The following CAMKMT variants were observed in gnomAD, a reference collection of about 807,000 sequenced individuals.
The protein encoded by CAMKMT is CaM KMT.
CAMKMT carries 53 observed loss-of-function variants against 48.0 expected under a neutral mutation model. The observed-to-expected ratio is 1.10, with a 90% CI of 0.89 to 1.39. The LOEUF is 1.39. Ranked by LOEUF, CAMKMT falls within the 40% of genes most tolerant of loss-of-function variation. The probability of loss-of-function intolerance (pLI) is 0.00; values close to 1 mark genes in which losing one functional copy is unlikely to be tolerated. For missense variants in CAMKMT, 428 were observed against 402.7 expected, an observed-to-expected ratio of 1.06 and a Z score of -0.54; for synonymous variants, 165 against 152.3, an observed-to-expected ratio of 1.08 and a Z score of -0.61.
At chr2:44,741,324 C>G (rs569309264) in intron 7 of CAMKMT, among the ~76,000 whole-genome samples, 1 of 152,200 alleles carries the variant, frequency 6.6e-6, no homozygotes, top group Non-Finnish European at 1.5e-5. Flanking sequence ...GAACAGTGAA[C>G]TCACCATCAT....
chr2:44,617,415 C>T (rs1350255001), intron 3 of CAMKMT, among the ~76,000 whole-genome samples: 2 of 152,182 alleles, frequency 1.3e-5, no homozygotes, highest in Non-Finnish European at 2.9e-5. Context: ...CCCATGTATG[C>T]TGTCCTCTGC....
At chr2:44,720,112 C>A (rs1055258211) in intron 7 of CAMKMT, among the ~76,000 whole-genome samples, 4 of 152,102 alleles carry the variant, frequency 2.6e-5, no homozygotes, top group Non-Finnish European at 4.4e-5. Context: ...GTGTTTTGCA[C>A]TGAAGACACC....
chr2:44,382,274 T>C (rs1431188061), intron 2 of CAMKMT, among the ~76,000 whole-genome samples: 1 of 151,972 alleles, frequency 6.6e-6, no homozygotes. Flanking sequence ...TTTCATCTTT[T>C]CTTAGTATTT....
intron 3 of CAMKMT, among the ~76,000 whole-genome samples, chr2:44,411,220 G>A (rs948669602): frequency 7.9e-5 from 12 of 152,136 alleles, no homozygotes; most frequent in African/African-American, 2.4e-4. Flanking sequence ...GTTAGGGTAG[G>A]TATTTTTGTG....
chr2:44,558,886 G>C (rs1668169176), intron 3 of CAMKMT, among the ~76,000 whole-genome samples: 1 of 152,010 alleles, frequency 6.6e-6, no homozygotes, highest in East Asian at 1.9e-4. Context: ...AGTGACACTT[G>C]AATTACTCAT....
intron 7 of CAMKMT, among the ~76,000 whole-genome samples, chr2:44,739,287 G>A (rs1490451863): frequency 1.3e-5 from 2 of 152,200 alleles, no homozygotes; most frequent in East Asian, 1.9e-4. Flanking sequence ...AGACTGGGGA[G>A]AGCAGTAGAG....
chr2:44,576,102 A>C (rs1669202310), intron 3 of CAMKMT, among the ~76,000 whole-genome samples: 1 of 152,040 alleles, frequency 6.6e-6, no homozygotes, highest in Non-Finnish European at 1.5e-5. Flanking sequence ...CGAGGTGGGC[A>C]GATCACCTGA....
intron 3 of CAMKMT, among the ~76,000 whole-genome samples, chr2:44,684,733 T>C (rs1041456333): frequency 6.6e-6 from 1 of 152,194 alleles, no homozygotes; most frequent in Admixed American, 6.5e-5. Flanking sequence ...CTGGTAAGCA[T>C]GCACCTTTCA....
chr2:44,510,098 C>T (rs1355632904), intron 3 of CAMKMT, among the ~76,000 whole-genome samples: 3 of 152,156 alleles, frequency 2.0e-5, no homozygotes, highest in Non-Finnish European at 4.4e-5. Context: ...GACATTGATA[C>T]TGTTAACTGC....
chr2:44,371,802 ATAAT>A (rs1679208377), intron 1 of CAMKMT, among the ~76,000 whole-genome samples: 1 of 152,156 alleles, frequency 6.6e-6, no homozygotes, highest in African/African-American at 2.4e-5. Context: ...TCAACCCAGA[ATAAT>A]TAATTGATGT....
At chr2:44,674,720 C>T (rs937869114) in intron 3 of CAMKMT, among the ~76,000 whole-genome samples, 1 of 152,184 alleles carries the variant, frequency 6.6e-6, no homozygotes, top group African/African-American at 2.4e-5. Context: ...GAAATGCTAA[C>T]AAAGCAAGTA....
intron 3 of CAMKMT, among the ~76,000 whole-genome samples, chr2:44,600,667 GATACAGACAC>G (rs1294842509): frequency 6.6e-6 from 1 of 152,092 alleles, no homozygotes; most frequent in Non-Finnish European, 1.5e-5. Context: ...AACATATACA[GATACAGACAC>G]ACACGCATAT....
chr2:44,551,187 C>T (rs1405299098), intron 3 of CAMKMT, among the ~76,000 whole-genome samples: 3 of 152,208 alleles, frequency 2.0e-5, no homozygotes, highest in African/African-American at 7.2e-5. Context: ...TCTTTATTCT[C>T]TCAGATTGCT....
At chr2:44,422,508 T>C (rs1286978242) in intron 3 of CAMKMT, among the ~76,000 whole-genome samples, 1 of 152,126 alleles carries the variant, frequency 6.6e-6, no homozygotes, top group East Asian at 1.9e-4. Flanking sequence ...GCAGGATCAG[T>C]CTTGTTGTAT....
chr2:44,634,085 G>A (rs1035571721), intron 3 of CAMKMT, among the ~76,000 whole-genome samples: 2 of 152,070 alleles, frequency 1.3e-5, no homozygotes, highest in African/African-American at 4.8e-5. Flanking sequence ...AGAAGTAACT[G>A]GAACATCTTA....
At chr2:44,456,604 A>G in intron 3 of CAMKMT, 1 of 1,549,598 alleles carries the variant, frequency 6.5e-7, no homozygotes, top group Non-Finnish European at 8.7e-7. Flanking sequence ...TATCACCATC[A>G]GTAGTAACTC....
At chr2:44,414,820 C>G (rs1442203729) in intron 3 of CAMKMT, among the ~76,000 whole-genome samples, 1 of 152,194 alleles carries the variant, frequency 6.6e-6, no homozygotes, top group East Asian at 1.9e-4. Context: ...CTTGAACTGT[C>G]TAGCATTTAG....
At chr2:44,400,154 G>A (rs1682230470) in intron 3 of CAMKMT, among the ~76,000 whole-genome samples, 2 of 152,098 alleles carry the variant, frequency 1.3e-5, no homozygotes, top group South Asian at 4.1e-4. Context: ...ATGTTAATAT[G>A]TTCTATATAA....
chr2:44,425,578 T>A (rs867023434), intron 3 of CAMKMT, among the ~76,000 whole-genome samples: 4 of 152,158 alleles, frequency 2.6e-5, no homozygotes, highest in Admixed American at 6.6e-5. Flanking sequence ...GATCCTTCAA[T>A]TATTTTTTTC....
Sources: gnomAD v4.1 joint callset for allele counts (sites outside exome capture counted in the v4.1 genomes callset) on GRCh38, gnomAD v4.1.1 for gene constraint, MANE v1.5 for transcripts, NCBI Gene and HGNC (gene_info 2026-07-23, HGNC 2026-07-21) for gene names.